Variants in MYO1D observed in about 807,000 individuals in gnomAD.
MYO1D encodes unconventional myosin-Id.
A neutral mutation model predicts 122.0 loss-of-function variants in MYO1D; 83 were observed. That is an observed-to-expected ratio of 0.68 (90% CI 0.57 to 0.82). The LOEUF (loss-of-function observed/expected upper bound fraction) is 0.82. MYO1D is among the 40% of genes least tolerant of loss of function. The pLI, the probability that MYO1D is intolerant of heterozygous loss-of-function variation, is 0.00. For missense variants in MYO1D, 1,157 were observed against 1,269.5 expected, an observed-to-expected ratio of 0.91 and a Z score of 1.35; for synonymous variants, 464 against 446.9, an observed-to-expected ratio of 1.04 and a Z score of -0.48.
intron 21 of MYO1D, among the ~76,000 whole-genome samples, chr17:32,543,358 C>T (rs1013676561): frequency 2.6e-5 from 4 of 151,568 alleles, no homozygotes; most frequent in African/African-American, 7.3e-5. Context: ...GGGCAGATCA[C>T]GAGGTTAGGA....
chr17:32,764,428 C>T (rs9783827), intron 8 of MYO1D, among the ~76,000 whole-genome samples: 2,409 of 152,230 alleles, frequency 0.016, 72 homozygotes, highest in African/African-American at 0.055. Flanking sequence ...TAAATGTTCT[C>T]ACCACAAATA....
chr17:32,678,507 T>G (rs1351328011), intron 16 of MYO1D, among the ~76,000 whole-genome samples: 1 of 149,554 alleles, frequency 6.7e-6, no homozygotes, highest in Non-Finnish European at 1.5e-5. Flanking sequence ...GAATATGCGG[T>G]GTTTGGTTTT....
chr17:32,541,461 A>C (rs1196660032), intron 21 of MYO1D, among the ~76,000 whole-genome samples: 8 of 152,206 alleles, frequency 5.3e-5, no homozygotes, highest in Non-Finnish European at 1.2e-4. Flanking sequence ...GTGACTGCCA[A>C]AGGGTTTTCA....
intron 16 of MYO1D, among the ~76,000 whole-genome samples, chr17:32,691,403 T>C (rs925076839): frequency 1.4e-5 from 2 of 141,848 alleles, no homozygotes; most frequent in Non-Finnish European, 3.0e-5. Context: ...CAAAGAAAAT[T>C]CTTTTTTTTT....
intron 21 of MYO1D, among the ~76,000 whole-genome samples, chr17:32,524,865 C>T (rs557017375): frequency 6.6e-6 from 1 of 152,138 alleles, no homozygotes; most frequent in Non-Finnish European, 1.5e-5. Flanking sequence ...CTGGCCTTGA[C>T]TAATTCTTTT....
At chr17:32,527,297 C>G (rs1910374299) in intron 21 of MYO1D, among the ~76,000 whole-genome samples, 1 of 152,232 alleles carries the variant, frequency 6.6e-6, no homozygotes, top group African/African-American at 2.4e-5. Flanking sequence ...ACCCTGCATG[C>G]TGGCGAGAGG....
Position 32,722,765 on chromosome 17 carries a change from T to C in MYO1D, c.1747-1576A>G, listed in dbSNP as rs536869927. On this transcript the variant is annotated intron_variant, in intron 14 of 21. Transcript: ENST00000318217. ...GTAATAGTAAGAATAAAAAATATTATCTACCAGCCTTTGTTCCTGGTTTCT... is the reference window on the plus strand; with the variant it reads ...GTAATAGTAAGAATAAAAAATATTACCTACCAGCCTTTGTTCCTGGTTTCT... 5.9e-5 allele frequency among the ~76,000 whole-genome samples: 9 copies of C among 152,304 alleles called. No homozygotes were observed. The East Asian group carries it at 1.5e-3, about 26-fold the overall frequency.
rs182053800 is a variant in MYO1D, at chr17:32,656,579, T to C, written c.2346-1958A>G. Among the ~76,000 whole-genome samples the C allele has an allele frequency of 2.6e-5, 4 of 152,330 alleles. No individual in the cohort carries two copies. In the East Asian group the frequency reaches 7.7e-4, roughly 29 times the overall value. ...TGGCTGCAGTGAGGCAGGCCACATG[T>C]TGGTCAGAGATAGTAGGTTGCCAAA... On this transcript the variant is annotated intron_variant, in intron 17 of 21. Transcript: ENST00000318217.
chr17:32,828,320 T>A (rs1228068969), intron 1 of MYO1D, among the ~76,000 whole-genome samples: 1 of 151,850 alleles, frequency 6.6e-6, no homozygotes, highest in Non-Finnish European at 1.5e-5. Context: ...ATCGAGATCA[T>A]CCTGGCTAAC....
intron 14 of MYO1D, among the ~76,000 whole-genome samples, chr17:32,730,942 T>C (rs2089631861): frequency 1.3e-5 from 2 of 150,720 alleles, no homozygotes; most frequent in Admixed American, 6.6e-5. Context: ...AGTCTTGCTC[T>C]GTCGCCCAGG....
intron 21 of MYO1D, among the ~76,000 whole-genome samples, chr17:32,591,762 A>C (rs2087440968): frequency 6.6e-6 from 1 of 152,174 alleles, no homozygotes; most frequent in Non-Finnish European, 1.5e-5. Context: ...ATGTCAGTTC[A>C]TGAAACCAGT....
intron 1 of MYO1D, among the ~76,000 whole-genome samples, chr17:32,855,493 G>C (rs1288184546): frequency 6.6e-6 from 1 of 152,216 alleles, no homozygotes; most frequent in Non-Finnish European, 1.5e-5. Context: ...TCATGCTGAT[G>C]TATGTAGCTG....
At chr17:32,695,023 C>T (rs1248580798) in intron 16 of MYO1D, among the ~76,000 whole-genome samples, 1 of 152,184 alleles carries the variant, frequency 6.6e-6, no homozygotes, top group Non-Finnish European at 1.5e-5. Context: ...ATATTTCTCA[C>T]ATTTTTCTGC....
intron 16 of MYO1D, among the ~76,000 whole-genome samples, chr17:32,699,572 T>C (rs923484088): frequency 6.6e-6 from 1 of 152,224 alleles, no homozygotes; most frequent in African/African-American, 2.4e-5. Context: ...TAATTATTAA[T>C]TTTATATGGT....
chr17:32,691,727 A>G (rs1487679730), intron 16 of MYO1D, among the ~76,000 whole-genome samples: 2 of 152,150 alleles, frequency 1.3e-5, no homozygotes, highest in Admixed American at 1.3e-4. Flanking sequence ...TCTTACAACT[A>G]AAGTTTTACA....
At chr17:32,854,698 T>A (rs1175395910) in intron 1 of MYO1D, among the ~76,000 whole-genome samples, 2 of 152,114 alleles carry the variant, frequency 1.3e-5, no homozygotes, top group Non-Finnish European at 2.9e-5. Flanking sequence ...CCCATAAATG[T>A]GAAATTCTTG....
chr17:32,677,426 T>C lies in MYO1D; in HGVS notation c.2122-18088A>G, dbSNP rs948394573. Reference sequence around the variant, plus strand: ...AGTTTTTGGCTACAGATGATGAAGATGGCAGGAGAAATGTTCCATGTGAGT... The same window carrying C: ...AGTTTTTGGCTACAGATGATGAAGACGGCAGGAGAAATGTTCCATGTGAGT... On this transcript the variant is annotated intron_variant, in intron 16 of 21. Coordinates refer to ENST00000318217, the MANE Select transcript of MYO1D (RefSeq NM_015194.3). 2.6e-5 allele frequency among the ~76,000 whole-genome samples: 4 copies of C among 152,122 alleles called. No homozygotes were observed. In the East Asian group the frequency reaches 5.8e-4, roughly 22 times the overall value.
rs370973088 is a variant in MYO1D at position 32,763,382 on chromosome 17, TACA to T, written c.1035+1493_1035+1495del. 3.7e-4 allele frequency among the ~76,000 whole-genome samples: 56 copies of T among 152,048 alleles called. No individual in the cohort carries two copies. The East Asian group carries it at 7.9e-3, about 22-fold the overall frequency. ...ACAACGAAAGTTAGACGTGAGAAAA[TACA>T]ACGCTTGCCACACAGATAACAAAGG... On this transcript the variant is annotated intron_variant, in intron 8 of 21. Transcript: ENST00000318217.
intron 15 of MYO1D, among the ~76,000 whole-genome samples, chr17:32,715,124 G>C (rs1240852882): frequency 6.6e-6 from 1 of 152,090 alleles, no homozygotes; most frequent in Non-Finnish European, 1.5e-5. Context: ...AACATCTCAC[G>C]TCAGTCAGAA....
Sources: gnomAD v4.1 joint callset for allele counts (sites outside exome capture counted in the v4.1 genomes callset) on GRCh38, gnomAD v4.1.1 for gene constraint, MANE v1.5 for transcripts, NCBI Gene and HGNC (gene_info 2026-07-23, HGNC 2026-07-21) for gene names.